Variants in FMN1 observed in about 807,000 individuals in gnomAD.
FMN1 encodes formin-1.
Under a neutral mutation model 132.4 loss-of-function variants are expected in FMN1, and 110 were observed. That is an observed-to-expected ratio of 0.83 (90% CI 0.71 to 0.97). The LOEUF is 0.97. FMN1 is among the 50% of genes least tolerant of loss of function. FMN1 has a pLI of 0.00. For synonymous variants in FMN1, 722 were observed against 651.7 expected, an observed-to-expected ratio of 1.11 and a Z score of -1.64; for missense variants, 1,792 against 1,705.3, an observed-to-expected ratio of 1.05 and a Z score of -0.90.
At chr15:32,867,705 A>C (rs576248861) in intron 16 of FMN1, among the ~76,000 whole-genome samples, 1 of 152,130 alleles carries the variant, frequency 6.6e-6, no homozygotes, top group Admixed American at 6.5e-5. Context: ...GTTAGCCGGG[A>C]TGGTCTCAAT....
intron 5 of FMN1, among the ~76,000 whole-genome samples, chr15:33,083,107 G>A (rs1220614419): frequency 6.6e-6 from 1 of 152,098 alleles, no homozygotes; most frequent in Non-Finnish European, 1.5e-5. Flanking sequence ...CCAGTTGTGT[G>A]ATATACTGAT....
intron 6 of FMN1, among the ~76,000 whole-genome samples, chr15:33,058,751 A>G (rs2037349031): frequency 6.6e-6 from 1 of 152,202 alleles, no homozygotes; most frequent in Non-Finnish European, 1.5e-5. Context: ...AATTTGTAAT[A>G]ACCTGCATAA....
At chr15:32,912,522 G>C (rs921501803) in intron 10 of FMN1, among the ~76,000 whole-genome samples, 3 of 152,136 alleles carry the variant, frequency 2.0e-5, no homozygotes, top group Admixed American at 6.5e-5. Flanking sequence ...AAATAAACAA[G>C]TAAATACATA....
At chr15:32,923,012 T>C (rs1302719880) in intron 10 of FMN1, among the ~76,000 whole-genome samples, 1 of 152,226 alleles carries the variant, frequency 6.6e-6, no homozygotes, top group Non-Finnish European at 1.5e-5. Context: ...TAAGAAGGAA[T>C]ACTCTCCTCT....
chr15:32,830,026 C>G (rs1490035708), intron 17 of FMN1, among the ~76,000 whole-genome samples: 1 of 152,134 alleles, frequency 6.6e-6, no homozygotes, highest in African/African-American at 2.4e-5. Flanking sequence ...ATCTGCAACT[C>G]ATTTTAATGT....
chr15:33,002,836 G>C (rs540940960), intron 7 of FMN1, among the ~76,000 whole-genome samples: 1 of 152,174 alleles, frequency 6.6e-6, no homozygotes, highest in African/African-American at 2.4e-5. Context: ...AGAGAAGAGG[G>C]TTGCTGGTTT....
Position 33,142,509 on chromosome 15 carries a change from G to T in FMN1, c.1867+10539C>A, listed in dbSNP as rs148530436. The stretch of plus-strand genomic sequence containing the variant: ...CATGAGGGCAGAGAGCAGCGATGAG[G>T]CTTGTGGCATGCCAATGATACCCTG... On this transcript the variant is annotated intron_variant, in intron 4 of 20. Transcript: ENST00000616417. Among the ~76,000 whole-genome samples the T allele has an allele frequency of 4.5e-3, 685 of 152,280 alleles. 5 individuals are homozygous for T. Among genetic ancestry groups the T allele is most frequent in the African/African-American group, 0.015 (636 of 41,550 alleles).
At chr15:32,853,863 A>G (rs2141275086) in intron 17 of FMN1, among the ~76,000 whole-genome samples, 1 of 152,334 alleles carries the variant, frequency 6.6e-6, no homozygotes, top group South Asian at 2.1e-4. Flanking sequence ...GAAACTCTGC[A>G]TTCCAGTAAC....
intron 19 of FMN1, among the ~76,000 whole-genome samples, chr15:32,794,319 C>T (rs1444925581): frequency 6.6e-6 from 1 of 152,148 alleles, no homozygotes; most frequent in Non-Finnish European, 1.5e-5. Context: ...TCATTACTTA[C>T]CCATTATGGG....
chr15:32,788,966 C>A lies in FMN1; in HGVS notation c.4130+9838G>T, dbSNP rs181431780. 4.3e-4 allele frequency among the ~76,000 whole-genome samples: 65 copies of A among 152,284 alleles called. 1 individual carries two copies. Among genetic ancestry groups the A allele is most frequent in the African/African-American group, 1.5e-3 (64 of 41,550 alleles). On this transcript the variant is annotated intron_variant, in intron 19 of 20. Coordinates refer to ENST00000616417, the MANE Select transcript of FMN1 (RefSeq NM_001277313.2). ...AAGATTTTAGATTCTTGGGCAAAAG[C>A]AACCCATATGGGATACATTTAGGGA...
At chr15:33,127,724 C>G (rs759036475) in intron 4 of FMN1, among the ~76,000 whole-genome samples, 7 of 152,158 alleles carry the variant, frequency 4.6e-5, no homozygotes, top group African/African-American at 1.7e-4. Flanking sequence ...TGGTTTCAGG[C>G]AGGTTATATT....
intron 10 of FMN1, among the ~76,000 whole-genome samples, chr15:32,921,390 C>T (rs907286816): frequency 1.3e-4 from 20 of 152,134 alleles, no homozygotes; most frequent in African/African-American, 4.8e-4. Flanking sequence ...AGATGAGATG[C>T]AGGTGGGACA....
At chr15:33,162,037 G>A (rs1295599210) in intron 3 of FMN1, among the ~76,000 whole-genome samples, 1 of 151,746 alleles carries the variant, frequency 6.6e-6, no homozygotes, top group Non-Finnish European at 1.5e-5. Flanking sequence ...TCTGAGATAG[G>A]GTCTCGCTCT....
intron 6 of FMN1, among the ~76,000 whole-genome samples, chr15:33,011,962 T>C (rs1183453247): frequency 6.6e-6 from 1 of 152,202 alleles, no homozygotes; most frequent in Non-Finnish European, 1.5e-5. Flanking sequence ...GTATAATCAC[T>C]ATGAACAATG....
chr15:32,969,503 A>G (rs745331966), intron 7 of FMN1, 26 bp from the exon 8 acceptor site: 2 of 1,606,142 alleles, frequency 1.2e-6, no homozygotes, highest in African/African-American at 2.7e-5. Context: ...GAGGGAAAGA[A>G]AGTAATGAGT....
chr15:33,079,284 G>A (rs1335711001), intron 5 of FMN1, among the ~76,000 whole-genome samples: 2 of 152,186 alleles, frequency 1.3e-5, no homozygotes, highest in Admixed American at 6.5e-5. Flanking sequence ...AAGCATTAAG[G>A]TGATGCAATA....
At chr15:32,936,759 G>C in intron 9 of FMN1, among the ~76,000 whole-genome samples, 1 of 152,082 alleles carries the variant, frequency 6.6e-6, no homozygotes, top group Non-Finnish European at 1.5e-5. Flanking sequence ...AGATGAAGAA[G>C]AGCAAGAGGA....
chr15:33,097,858 G>A (rs569085460), intron 4 of FMN1, among the ~76,000 whole-genome samples: 2 of 152,248 alleles, frequency 1.3e-5, no homozygotes, highest in South Asian at 2.1e-4. Context: ...CAGCTTGACA[G>A]AAAATCAGTA....
At chr15:33,050,454 A>AT (rs2141172834) in intron 6 of FMN1, among the ~76,000 whole-genome samples, 1 of 152,274 alleles carries the variant, frequency 6.6e-6, no homozygotes, top group South Asian at 2.1e-4. Flanking sequence ...TAAGAACCTC[A>AT]TTTTCAAAAG....
Sources: allele counts gnomAD v4.1 joint callset (sites outside exome capture counted in the v4.1 genomes callset), GRCh38; gene constraint gnomAD v4.1.1; transcripts MANE v1.5; gene names NCBI Gene and HGNC (gene_info 2026-07-23, HGNC 2026-07-21).